Variants in MALRD1 observed in about 807,000 individuals in gnomAD.
MALRD1 encodes MAM and LDL receptor class A domain containing 1, also known as MAM and LDL-receptor class A domain-containing protein 1.
In MALRD1, 247 loss-of-function variants were observed where a neutral mutation model predicts 242.1. The observed-to-expected ratio is 1.02, with a 90% CI of 0.92 to 1.13. The LOEUF is 1.13. Ranked by LOEUF, MALRD1 falls within the 50% of genes most tolerant of loss-of-function variation. MALRD1 has a pLI of 0.00. For missense variants in MALRD1, 2,989 were observed against 2,533.1 expected, an observed-to-expected ratio of 1.18 and a Z score of -3.86; for synonymous variants, 995 against 866.6, an observed-to-expected ratio of 1.15 and a Z score of -2.60.
At chr10:19,694,370 A>G (rs1344657526) in intron 38 of MALRD1, among the ~76,000 whole-genome samples, 2 of 152,230 alleles carry the variant, frequency 1.3e-5, no homozygotes, top group Non-Finnish European at 2.9e-5. Context: ...GAACTCAAAC[A>G]AATTCACAAG....
intron 14 of MALRD1, among the ~76,000 whole-genome samples, chr10:19,186,171 G>A (rs74118834): frequency 1.3e-5 from 2 of 152,040 alleles, no homozygotes; most frequent in South Asian, 2.1e-4. Context: ...GGGAAAAAAG[G>A]CTATCTAGTT....
At chr10:19,387,334 G>A (rs1231307804) in intron 26 of MALRD1, among the ~76,000 whole-genome samples, 194 bp from the exon 27 acceptor site, 1 of 147,662 alleles carries the variant, frequency 6.8e-6, no homozygotes, top group South Asian at 2.1e-4. Context: ...AATAATCATA[G>A]TCATGAATAA....
intron 28 of MALRD1, among the ~76,000 whole-genome samples, chr10:19,413,561 A>G (rs1254440415): frequency 2.2e-5 from 2 of 90,396 alleles, no homozygotes; most frequent in Non-Finnish European, 5.5e-5. Flanking sequence ...TCTTTTAATC[A>G]TGAAAAAAAA....
At chr10:19,330,498 A>T (rs970197058) in intron 23 of MALRD1, among the ~76,000 whole-genome samples, 1 of 152,164 alleles carries the variant, frequency 6.6e-6, no homozygotes, top group African/African-American at 2.4e-5. Context: ...TTCTAAATTT[A>T]TTTTGAAATA....
chr10:19,356,138 C>T (rs1588958963), intron 26 of MALRD1, among the ~76,000 whole-genome samples: 1 of 151,492 alleles, frequency 6.6e-6, no homozygotes, highest in East Asian at 1.9e-4. Context: ...AGTTACAGGA[C>T]ATCTTTCTTG....
intron 22 of MALRD1, among the ~76,000 whole-genome samples, chr10:19,326,809 T>C (rs1236193958): frequency 6.7e-6 from 1 of 148,632 alleles, no homozygotes; most frequent in African/African-American, 2.5e-5. Flanking sequence ...AATTGTTTGG[T>C]TGTATGAATT....
intron 2 of MALRD1, among the ~76,000 whole-genome samples, chr10:19,067,368 C>T (rs955589750): frequency 5.3e-5 from 8 of 152,102 alleles, no homozygotes; most frequent in African/African-American, 1.9e-4. Context: ...AAACTCCATT[C>T]ATTCAACATT....
chr10:19,525,204 C>T (rs189886145), intron 31 of MALRD1, among the ~76,000 whole-genome samples: 115 of 151,866 alleles, frequency 7.6e-4, no homozygotes, highest in African/African-American at 2.6e-3. Context: ...CGTGAGCCAC[C>T]GAGCCCAGCT....
At chr10:19,478,677 A>G (rs761587493) in intron 29 of MALRD1, among the ~76,000 whole-genome samples, 2 of 152,094 alleles carry the variant, frequency 1.3e-5, no homozygotes, top group African/African-American at 2.4e-5. Flanking sequence ...CTTTGACCCA[A>G]TTCTGGTTTG....
chr10:19,047,273 T>C (rs1485641777), upstream of MALRD1, among the ~76,000 whole-genome samples: 1 of 152,054 alleles, frequency 6.6e-6, no homozygotes, highest in African/African-American at 2.4e-5. Flanking sequence ...CATTGAAATA[T>C]GGAACATGGG....
intron 38 of MALRD1, among the ~76,000 whole-genome samples, chr10:19,707,341 G>C (rs1057255838): frequency 2.6e-5 from 4 of 151,966 alleles, no homozygotes; most frequent in African/African-American, 9.7e-5. Flanking sequence ...CCACACCTTC[G>C]TAAATTGCCA....
intron 31 of MALRD1, among the ~76,000 whole-genome samples, chr10:19,521,557 T>A (rs1833885616): frequency 6.6e-6 from 1 of 152,162 alleles, no homozygotes; most frequent in Admixed American, 6.5e-5. Context: ...AAAATATTAT[T>A]TCTGCAACTA....
At chr10:19,393,508 T>G (rs921450568) in intron 28 of MALRD1, among the ~76,000 whole-genome samples, 18 of 145,628 alleles carry the variant, frequency 1.2e-4, no homozygotes, top group Admixed American at 7.1e-5. Context: ...TGCAGTGGTG[T>G]GATCTCGGCT....
At chr10:19,389,842 T>C (rs11009707) in intron 28 of MALRD1, among the ~76,000 whole-genome samples, 18,568 of 152,200 alleles carry the variant, frequency 0.12, 1,236 homozygotes, top group South Asian at 0.16. Flanking sequence ...TTTATATTTT[T>C]TGTAGAGATT....
intron 14 of MALRD1, among the ~76,000 whole-genome samples, chr10:19,193,023 T>C (rs1298061260): frequency 2.0e-5 from 3 of 152,230 alleles, no homozygotes; most frequent in Non-Finnish European, 2.9e-5. Flanking sequence ...TTTGTATTTG[T>C]TCTTTTGTGC....
chr10:19,069,857 T>C lies in MALRD1; in HGVS notation c.340+2998T>C, dbSNP rs574325473. ...AACATTTTAAATTTTATCGTACTTATGTTAACTAAACTTCTTGAATCTGAA... is the reference window on the plus strand; with the variant it reads ...AACATTTTAAATTTTATCGTACTTACGTTAACTAAACTTCTTGAATCTGAA... On this transcript the variant is annotated intron_variant, in intron 2 of 39. Coordinates refer to ENST00000454679, the MANE Select transcript of MALRD1 (RefSeq NM_001142308.3). 3.3e-5 allele frequency among the ~76,000 whole-genome samples: 5 copies of C among 152,186 alleles called. No homozygotes were observed. The East Asian group carries it at 5.8e-4, about 18-fold the overall frequency.
At chr10:19,133,588 G>GT (rs928253980) in intron 8 of MALRD1, among the ~76,000 whole-genome samples, 1 of 152,080 alleles carries the variant, frequency 6.6e-6, no homozygotes, top group African/African-American at 2.4e-5. Context: ...ACGCAGTACT[G>GT]TTTTTTTAAA....
At chr10:19,224,823 G>T (rs1373237662) in intron 18 of MALRD1, among the ~76,000 whole-genome samples, 1 of 152,168 alleles carries the variant, frequency 6.6e-6, no homozygotes, top group Non-Finnish European at 1.5e-5. Flanking sequence ...TTGCTGTGCA[G>T]AAGCTATCTT....
chr10:19,297,908 G>A (rs1394129513), intron 21 of MALRD1, among the ~76,000 whole-genome samples: 9 of 151,862 alleles, frequency 5.9e-5, no homozygotes, highest in African/African-American at 1.2e-4. Context: ...CAAGCAAAGC[G>A]ATGGCTACAC....
Sources: gnomAD v4.1 joint callset for allele counts (sites outside exome capture counted in the v4.1 genomes callset) on GRCh38, gnomAD v4.1.1 for gene constraint, MANE v1.5 for transcripts, NCBI Gene and HGNC (gene_info 2026-07-23, HGNC 2026-07-21) for gene names.